Variants in SHROOM4 observed in about 807,000 individuals in gnomAD.
The protein encoded by SHROOM4 is shroom family member 4, also known as protein Shroom4.
SHROOM4 carries 17 observed loss-of-function variants against 80.3 expected under a neutral mutation model. That is an observed-to-expected ratio of 0.21 (90% CI 0.14 to 0.32). The LOEUF (loss-of-function observed/expected upper bound fraction) is 0.32, where lower values mean the gene tolerates loss of function less well. Ranked by LOEUF, SHROOM4 falls within the 10% of genes least tolerant of loss-of-function variation. The pLI is 1.00. For missense variants in SHROOM4, 993 were observed against 1,140.3 expected (o/e 0.87, Z 1.86); for synonymous variants, 400 against 437.5 (o/e 0.91, Z 1.07).
chrX:50,761,711 CA>C (rs1475868735), intron 1 of SHROOM4, among the ~76,000 whole-genome samples: 3 of 111,141 alleles, frequency 2.7e-5, no homozygotes, highest in African/African-American at 9.8e-5. Context: ...TACAGGCCTG[CA>C]CCACCACGCC....
chrX:50,579,676 G>A, the SHROOM4 span, among the ~76,000 whole-genome samples: 8 of 111,303 alleles, frequency 7.2e-5, no homozygotes, highest in East Asian at 5.7e-4. Flanking sequence ...CAGGGCACCC[G>A]GGAAAACTGT....
At chrX:50,640,222 A>G (rs1217551116) in intron 2 of SHROOM4, among the ~76,000 whole-genome samples, 9 of 111,988 alleles carry the variant, frequency 8.0e-5, no homozygotes, top group African/African-American at 2.9e-4. Flanking sequence ...AGTGGTGAAC[A>G]GGGTATCCTT....
rs1557247885 is a variant in SHROOM4, at chrX:50,602,740, T to C, written c.3835A>G (p.Ile1279Val). Residue 1279 changes from isoleucine (I) to valine (V), a missense_variant, in exon 7 of 9, where the codon ATT (isoleucine) becomes GTT (valine). Ile to Val is a conservative substitution (Grantham distance 29, BLOSUM62 3). Transcript: ENST00000376020. ...AGCAGCTCTGCCTTGGCCACAGAAA[T>C]ATTGTAATAAGCTGAGTAAGAGGTA... Reference protein sequence around the residue: ...IPTSYSAYYNISVAKAELLNK... With the variant: ...IPTSYSAYYNVSVAKAELLNK... 8.3e-7 allele frequency: 1 copy of C among 1,211,214 alleles called. No individual in the cohort carries two copies. Among genetic ancestry groups the C allele is most frequent in the East Asian group, 3.0e-5 (1 of 33,809 alleles).
intron 1 of SHROOM4, among the ~76,000 whole-genome samples, chrX:50,711,784 C>G (rs1933823486): frequency 8.9e-6 from 1 of 112,311 alleles, no homozygotes; most frequent in Admixed American, 9.4e-5. Context: ...TTAAAACATT[C>G]TGTTATAAAA....
At chrX:50,637,213 T>C (rs1406331964) in intron 3 of SHROOM4, among the ~76,000 whole-genome samples, 2 of 111,359 alleles carry the variant, frequency 1.8e-5, no homozygotes, top group African/African-American at 6.5e-5. Flanking sequence ...ACCCGAGAGG[T>C]TGCAGGCTGC....
chrX:50,798,455 C>T (rs1315526369), intron 1 of SHROOM4, among the ~76,000 whole-genome samples: 9 of 111,771 alleles, frequency 8.1e-5, no homozygotes, highest in Non-Finnish European at 1.7e-4. Flanking sequence ...TGCTATGAAA[C>T]ACAGAATATA....
At chrX:50,668,442 A>G in intron 2 of SHROOM4, among the ~76,000 whole-genome samples, 1 of 112,047 alleles carries the variant, frequency 8.9e-6, no homozygotes, top group Non-Finnish European at 1.9e-5. Context: ...CTACCTCCAC[A>G]TGGCAGTAAT....
In SHROOM4 at chrX:50,689,122, AAT is replaced by A. The variant is rs372729380; in HGVS notation, c.269+6662_269+6663del. Among the ~76,000 whole-genome samples the A allele has an allele frequency of 4.1e-3, 454 of 111,936 alleles. 2 individuals are homozygous for A. Among genetic ancestry groups the A allele is most frequent in the African/African-American group, 0.014 (431 of 30,871 alleles). On this transcript the variant is annotated intron_variant, in intron 2 of 8. Transcript: ENST00000376020. ...TAAAGAAATGATAAATGTTTGAGAT[AAT>A]AGATATGCTAATTACTGTGATCTGA...
chrX:50,641,210 T>C (rs1200674238), intron 2 of SHROOM4, among the ~76,000 whole-genome samples: 1 of 112,275 alleles, frequency 8.9e-6, no homozygotes, highest in Non-Finnish European at 1.9e-5. Context: ...ATTTCATGTG[T>C]GTCAGTCTCA....
intron 1 of SHROOM4, among the ~76,000 whole-genome samples, chrX:50,801,798 C>G (rs1247910786): frequency 8.9e-6 from 1 of 111,849 alleles, no homozygotes; most frequent in Admixed American, 9.5e-5. Context: ...TCCCCAGCAG[C>G]TACAGATTCA....
At chrX:50,791,045 C>G (rs1473358096) in intron 1 of SHROOM4, among the ~76,000 whole-genome samples, 1 of 110,613 alleles carries the variant, frequency 9.0e-6, no homozygotes, top group African/African-American at 3.3e-5. Context: ...TGTCAGATAA[C>G]ATGATCTTAT....
At chrX:50,604,443 T>C (rs1238641525) in intron 6 of SHROOM4, among the ~76,000 whole-genome samples, 1 of 111,964 alleles carries the variant, frequency 8.9e-6, no homozygotes, top group Non-Finnish European at 1.9e-5. Context: ...TTCAAGCCGC[T>C]ATGCTATACT....
chrX:50,633,335 A>G lies in SHROOM4; in HGVS notation c.2738T>C (p.Leu913Pro). The change falls in exon 4 of 9, where the codon CTA becomes CCA. Residue 913 changes from leucine to proline, a missense_variant. Transcript: ENST00000376020. ...GCAATTTGGCATCATATTTCTCTTT[A>G]GCAAGGCAGGGCAGATTTCCCCAGA... ...YCSGEICPALLKRNMMPNCYN... is the reference protein window; with the variant it reads ...YCSGEICPALPKRNMMPNCYN... 8.3e-7 allele frequency: 1 copy of G among 1,211,654 alleles called. No homozygotes were observed. The highest frequency in any genetic ancestry group is 1.1e-6 in the Non-Finnish European group (1 of 895,474).
At chrX:50,684,248 G>A (rs988131417) in intron 2 of SHROOM4, among the ~76,000 whole-genome samples, 13 of 111,439 alleles carry the variant, frequency 1.2e-4, no homozygotes, top group Non-Finnish European at 1.7e-4. Flanking sequence ...CATAGACACA[G>A]ACACACAGAG....
intron 6 of SHROOM4, among the ~76,000 whole-genome samples, chrX:50,603,206 T>C (rs1557247989): frequency 9.0e-6 from 1 of 111,290 alleles, no homozygotes; most frequent in African/African-American, 3.3e-5. Flanking sequence ...ACCTTATCTA[T>C]TGGTTCTCCA....
intron 1 of SHROOM4, among the ~76,000 whole-genome samples, chrX:50,785,331 T>G (rs868983333): frequency 9.0e-6 from 1 of 110,546 alleles, no homozygotes; most frequent in Non-Finnish European, 1.9e-5. Context: ...CACACAGACT[T>G]ATATGTGACT....
At position 50,607,944 on chromosome X, in the gene SHROOM4, C is replaced by T. The variant is rs781968129; in HGVS notation, c.3198G>A (p.Ala1066=). 4 of 1,211,802 alleles carry T rather than the reference C, an allele frequency of 3.3e-6. No individual in the cohort carries two copies. Among genetic ancestry groups the T allele is most frequent in the Middle Eastern group, 2.3e-4 (1 of 4,356 alleles). ...RAFSESHISL[A]PQSTRAWGQH... ...GCCCCCAGGCCCGGGTGCTTTGGGG[C>T]GCCAAGCTGATGTGACTCTCTGAGA... The change falls in exon 6 of 9, where the codon GCG becomes GCA. Residue 1066 remains alanine (A), a synonymous_variant. Transcript: ENST00000376020.
intron 3 of SHROOM4, among the ~76,000 whole-genome samples, chrX:50,636,483 G>A (rs1216170981): frequency 9.0e-6 from 1 of 110,862 alleles, no homozygotes; most frequent in Non-Finnish European, 1.9e-5. Flanking sequence ...AAGCTGAAGA[G>A]GACAGATCTT....
At chrX:50,613,306 G>A (rs1203932732) in intron 5 of SHROOM4, among the ~76,000 whole-genome samples, 1 of 111,253 alleles carries the variant, frequency 9.0e-6, no homozygotes, top group African/African-American at 3.3e-5. Flanking sequence ...TAGAGACAGG[G>A]TTTTGCCATG....
Sources: allele counts gnomAD v4.1 joint callset (sites outside exome capture counted in the v4.1 genomes callset), GRCh38; gene constraint gnomAD v4.1.1; transcripts MANE v1.5; gene names NCBI Gene and HGNC (gene_info 2026-07-23, HGNC 2026-07-21).